SEPTIN9: variants seen among roughly 807,000 people sequenced by gnomAD.
SEPTIN9 encodes septin-9.
In SEPTIN9, 13 loss-of-function variants were observed where a neutral mutation model predicts 56.6. That is an observed-to-expected ratio of 0.23 (90% confidence interval 0.15 to 0.37). The LOEUF (loss-of-function observed/expected upper bound fraction) is 0.37. SEPTIN9 is among the 10% of genes least tolerant of loss of function. The probability of loss-of-function intolerance (pLI) is 1.00; values close to 1 mark genes in which losing one functional copy is unlikely to be tolerated. For missense variants in SEPTIN9, 650 were observed against 823.1 expected, an observed-to-expected ratio of 0.79 and a Z score of 2.57; for synonymous variants, 332 against 334.1, an observed-to-expected ratio of 0.99 and a Z score of 0.07.
Position 77,429,009 on chromosome 17 carries a change from G to A in SEPTIN9, c.721+26306G>A. Reference sequence around the variant, plus strand: ...AAGTGGTAAGCCGTCAGAGGAGGCAGCCGGTGAGAATGGGAGCATCTCAGC... The same window carrying A: ...AAGTGGTAAGCCGTCAGAGGAGGCAACCGGTGAGAATGGGAGCATCTCAGC... On this transcript the variant is annotated intron_variant, in intron 3 of 11. Transcript: ENST00000427177. This position sits in a 1 kb window ranked among gnomAD's most constrained non-coding sequence, Gnocchi z 5.2. 1 of 471,402 alleles carries A rather than the reference G, an allele frequency of 2.1e-6. No individual in the cohort carries two copies. The highest frequency in any genetic ancestry group is 1.5e-5 in the South Asian group (1 of 64,574). 29.2% of individuals were successfully genotyped at this position (471,402 alleles called of 1,614,324 possible). A position where few individuals can be genotyped will look rare whatever the true frequency, so the allele number is the denominator to read the frequency against.
chr17:77,346,200 C>G (rs2033886308), intron 2 of SEPTIN9, among the ~76,000 whole-genome samples: 1 of 150,146 alleles, frequency 6.7e-6, no homozygotes, highest in South Asian at 2.1e-4. Flanking sequence ...CCTTGGCCTC[C>G]CAAAGTGCTG....
intron 4 of SEPTIN9, chr17:77,483,414 G>C (rs2039540039): frequency 6.6e-6 from 1 of 152,516 alleles, no homozygotes; most frequent in Non-Finnish European, 1.5e-5. Flanking sequence ...AGGGAGGGCG[G>C]AGGTGTGGGG....
chr17:77,407,574 G>A (rs1018521633), intron 3 of SEPTIN9, among the ~76,000 whole-genome samples: 2 of 152,154 alleles, frequency 1.3e-5, no homozygotes, highest in Non-Finnish European at 2.9e-5. Flanking sequence ...TCTGGAAGGA[G>A]TCAGCATTTC....
In SEPTIN9 at chr17:77,499,755, C is replaced by A. The variant is rs1236425296; in HGVS notation, c.*1097C>A. ...CCCAGCCAGCCACCCCTGCCACTCACCCTTCCTGGCCCAGGCCTTGCTGAC... is the reference window on the plus strand; with the variant it reads ...CCCAGCCAGCCACCCCTGCCACTCAACCTTCCTGGCCCAGGCCTTGCTGAC... On this transcript the variant is annotated 3_prime_UTR_variant, in exon 12 of 12. Transcript: ENST00000427177. The A allele has an allele frequency of 2.0e-5, 7 of 349,866 alleles. No homozygotes were observed. The highest frequency in any genetic ancestry group is 9.1e-5 in the Admixed American group (2 of 21,900). 21.7% of individuals were successfully genotyped at this position (349,866 alleles called of 1,614,324 possible).
At chr17:77,481,606 C>G (rs554849003) in intron 3 of SEPTIN9, among the ~76,000 whole-genome samples, 2 of 152,300 alleles carry the variant, frequency 1.3e-5, no homozygotes, top group African/African-American at 4.8e-5. Context: ...GGTTCTATCC[C>G]CGTTTCTTAC....
intron 2 of SEPTIN9, among the ~76,000 whole-genome samples, chr17:77,365,626 C>T (rs866779351): frequency 6.6e-6 from 1 of 152,142 alleles, no homozygotes; most frequent in Admixed American, 6.6e-5. Flanking sequence ...CCTGTGGAGC[C>T]TTCTGAGCGG....
At chr17:77,480,496 GTC>G (rs1049603237) in intron 3 of SEPTIN9, among the ~76,000 whole-genome samples, 17 of 152,352 alleles carry the variant, frequency 1.1e-4, no homozygotes, top group South Asian at 2.1e-4. Context: ...TTGAACTGAA[GTC>G]TCCCACTGCC....
At chr17:77,470,372 A>G (rs2038939335) in intron 3 of SEPTIN9, among the ~76,000 whole-genome samples, 1 of 148,776 alleles carries the variant, frequency 6.7e-6, no homozygotes, top group Admixed American at 6.7e-5. Context: ...CCACTTATCC[A>G]TCCATCCACT....
Position 77,435,626 on chromosome 17 carries a change from T to C in SEPTIN9, c.721+32923T>C, listed in dbSNP as rs2037308663. 2.6e-5 allele frequency among the ~76,000 whole-genome samples: 4 copies of C among 152,208 alleles called. No homozygotes were observed. The highest frequency in any genetic ancestry group is 5.9e-5 in the Non-Finnish European group (4 of 68,030). On this transcript the variant is annotated intron_variant, in intron 3 of 11. Transcript: ENST00000427177. This position sits in a 1 kb window ranked among gnomAD's most constrained non-coding sequence, Gnocchi z 4.5. Reference sequence around the variant, plus strand: ...TCTCACACATGTCACTCCCAAAGGATGTTGACACAGAATGAAGCAGCTAGG... The same window carrying C: ...TCTCACACATGTCACTCCCAAAGGACGTTGACACAGAATGAAGCAGCTAGG...
intron 2 of SEPTIN9, among the ~76,000 whole-genome samples, chr17:77,354,248 C>T (rs562532788): frequency 1.2e-4 from 18 of 152,282 alleles, no homozygotes; most frequent in South Asian, 8.3e-4. Context: ...AGTGTTACCC[C>T]GTTTTATAGA....
Position 77,475,277 on chromosome 17 carries a change from G to A in SEPTIN9, c.722-6867G>A. ...CGTGGGGAGACTGTCTGGACGCAGA[G>A]AGCAGGCTCTGTGTGGGAGCGGGGA... On this transcript the variant is annotated intron_variant, in intron 3 of 11. Coordinates refer to ENST00000427177, the MANE Select transcript of SEPTIN9 (RefSeq NM_001113491.2). The surrounding 1 kb of genome is among the most constrained non-coding windows in gnomAD (Gnocchi z 4.6). 12 of 1,406,340 alleles carry A rather than the reference G, an allele frequency of 8.5e-6. No homozygotes were observed. Among genetic ancestry groups the A allele is most frequent in the Non-Finnish European group, 1.1e-5 (12 of 1,083,566 alleles). 87.1% of individuals were successfully genotyped at this position (1,406,340 alleles called of 1,614,324 possible). A position where few individuals can be genotyped will look rare whatever the true frequency, so the allele number is the denominator to read the frequency against.
Position 77,367,748 on chromosome 17 carries a change from G to C in SEPTIN9, c.77-34311G>C, listed in dbSNP as rs1053436193. Among the ~76,000 whole-genome samples the C allele has an allele frequency of 1.3e-5, 2 of 152,074 alleles. No homozygotes were observed. The highest frequency in any genetic ancestry group is 2.4e-5 in the African/African-American group (1 of 41,406). On this transcript the variant is annotated intron_variant, in intron 2 of 11. Transcript: ENST00000427177. This position sits in a 1 kb window ranked among gnomAD's most constrained non-coding sequence, Gnocchi z 4.5. ...GGAGAATTGCTCCGATCTGGGAGGC[G>C]GAGGTTGCAGTGAGCCGAGATCACG...
rs1211983545 is a variant in SEPTIN9, at chr17:77,475,071, T to A, written c.722-7073T>A. On this transcript the variant is annotated intron_variant, in intron 3 of 11. Transcript: ENST00000427177. This position sits in a 1 kb window ranked among gnomAD's most constrained non-coding sequence, Gnocchi z 4.6. ...TAAACCTCGGCTGCTGTGATGAGCT[T>A]TGTTTCTTCATTTGTTCATTCATTC... 6.6e-6 allele frequency among the ~76,000 whole-genome samples: 1 copy of A among 152,140 alleles called. No individual in the cohort carries two copies. The highest frequency in any genetic ancestry group is 6.5e-5 in the Admixed American group (1 of 15,270).
At chr17:77,372,127 C>T (rs951937158) in intron 2 of SEPTIN9, among the ~76,000 whole-genome samples, 1 of 152,140 alleles carries the variant, frequency 6.6e-6, no homozygotes, top group Admixed American at 6.5e-5. Flanking sequence ...CCTGCTGCTT[C>T]GGGGGTGGGG....
chr17:77,395,074 T>TG (rs548618968), intron 2 of SEPTIN9, among the ~76,000 whole-genome samples: 331 of 127,482 alleles, frequency 2.6e-3, no homozygotes, highest in African/African-American at 0.015. Context: ...ATGTGTGTGT[T>TG]TTTTTTTTTT....
chr17:77,372,406 T>C (rs1435833048), intron 2 of SEPTIN9, among the ~76,000 whole-genome samples: 1 of 151,282 alleles, frequency 6.6e-6, no homozygotes, highest in Non-Finnish European at 1.5e-5. Flanking sequence ...GATGATATAG[T>C]TTAAGGGTAG....
chr17:77,478,282 TGTCAAGTGCTCAGAA>T (rs534661941), intron 3 of SEPTIN9, among the ~76,000 whole-genome samples: 110 of 152,338 alleles, frequency 7.2e-4, no homozygotes, highest in African/African-American at 2.5e-3. Context: ...ACTAGCTCAG[TGTCAAGTGCTCAGAA>T]GTCACTTGTG....
chr17:77,475,981 G>A lies in SEPTIN9; in HGVS notation c.722-6163G>A. ...TGGGTTTGGGGAAGACAGGGGAATGGCATTGACTTGACCCTGAGCACTTTG... is the reference window on the plus strand; with the variant it reads ...TGGGTTTGGGGAAGACAGGGGAATGACATTGACTTGACCCTGAGCACTTTG... On this transcript the variant is annotated intron_variant, in intron 3 of 11. Coordinates refer to ENST00000427177, the MANE Select transcript of SEPTIN9 (RefSeq NM_001113491.2). The surrounding 1 kb of genome is among the most constrained non-coding windows in gnomAD (Gnocchi z 4.6). 2.1e-6 allele frequency: 3 copies of A among 1,455,824 alleles called. No homozygotes were observed. The highest frequency in any genetic ancestry group is 2.8e-6 in the Non-Finnish European group (3 of 1,060,808). The allele number at this position is 1,455,824 out of a possible 1,614,324, so 90.2% of individuals were successfully genotyped here. A position where few individuals can be genotyped will look rare whatever the true frequency, so the allele number is the denominator to read the frequency against.
intron 3 of SEPTIN9, among the ~76,000 whole-genome samples, chr17:77,448,329 C>T (rs72896170): frequency 0.024 from 3,613 of 151,948 alleles, 50 homozygotes; most frequent in Middle Eastern, 0.048. Flanking sequence ...AAAAAGTAGC[C>T]GCCGGACATG....
Sources: allele counts gnomAD v4.1 joint callset (sites outside exome capture counted in the v4.1 genomes callset), GRCh38; gene constraint gnomAD v4.1.1; non-coding constraint Gnocchi (gnomAD v3.1); transcripts MANE v1.5; gene names NCBI Gene and HGNC (gene_info 2026-07-23, HGNC 2026-07-21).